The following AMTN variants were observed in gnomAD, a reference collection of about 807,000 sequenced individuals.
The protein encoded by AMTN is RSTI689.
Under a neutral mutation model 27.4 loss-of-function variants are expected in AMTN, and 29 were observed. The observed-to-expected ratio is 1.06, with a 90% CI of 0.79 to 1.44. The LOEUF is 1.44. Among genes scored for constraint, AMTN ranks in the 40% most tolerant of loss-of-function variants. The pLI is 0.00. For missense variants in AMTN, 247 were observed against 248.8 expected (o/e 0.99, Z 0.05); for synonymous variants, 86 against 95.7 (o/e 0.90, Z 0.59).
At chr4:70,526,946 C>G (rs560361806) in intron 5 of AMTN, among the ~76,000 whole-genome samples, 2 of 152,174 alleles carry the variant, frequency 1.3e-5, no homozygotes, top group African/African-American at 4.8e-5. Context: ...TGCAGAGTGG[C>G]TTATTATCTC....
rs750104626 is a variant in AMTN, at chr4:70,523,876, T to G, written c.147T>G (p.Pro49=). The stretch of plus-strand genomic sequence containing the variant: ...CTTTCAATCCCCTGCAGGTCTTTCC[T>G]TCTTTAAGTCTGATACCATTAACAC... ...PNQQQSNQVF[P]SLSLIPLTQM... Residue 49 remains proline (P), a synonymous_variant, in exon 4 of 9, where the codon CCT becomes CCG. Transcript: ENST00000339336. 4 of 1,613,738 alleles carry G rather than the reference T, an allele frequency of 2.5e-6. No individual in the cohort carries two copies. The highest frequency in any genetic ancestry group is 3.4e-6 in the Non-Finnish European group (4 of 1,179,690).
chr4:70,525,421 A>T (rs1342832312), intron 5 of AMTN, among the ~76,000 whole-genome samples: 1 of 152,166 alleles, frequency 6.6e-6, no homozygotes, highest in Non-Finnish European at 1.5e-5. Context: ...GTCCCCAAGG[A>T]CTTTTCAGTA....
rs117133443 is a variant in AMTN, at chr4:70,531,193, G to A, written c.512G>A (p.Arg171His). Reference sequence around the variant, plus strand: ...GCCACCCAGGGAACCCCAGCAGGCCGCCTCCCAACTCCCAGTGGCACAGAT... The same window carrying A: ...GCCACCCAGGGAACCCCAGCAGGCCACCTCCCAACTCCCAGTGGCACAGAT... Reference protein sequence around the residue: ...NPATQGTPAGRLPTPSGTDDD... With the variant: ...NPATQGTPAGHLPTPSGTDDD... The change falls in exon 8 of 9, where the codon CGC becomes CAC. Residue 171 changes from arginine (R) to histidine (H), a missense_variant. Physicochemically the swap from Arg to His is conservative, Grantham distance 29. Coordinates refer to ENST00000339336, the MANE Select transcript of AMTN (RefSeq NM_212557.4). The A allele has an allele frequency of 3.1e-4, 493 of 1,613,974 alleles. No homozygotes were observed. The highest frequency in any genetic ancestry group is 2.0e-3 in the East Asian group (89 of 44,818).
At chr4:70,519,094 T>C (rs1735887561) in intron 2 of AMTN, among the ~76,000 whole-genome samples, 1 of 152,212 alleles carries the variant, frequency 6.6e-6, no homozygotes, top group Admixed American at 6.5e-5. Flanking sequence ...GGCTAGAAAT[T>C]AGGAGAAAAA....
At chr4:70,519,913 C>CGTGTGTGT (rs10645813) in intron 2 of AMTN, among the ~76,000 whole-genome samples, 15 of 147,202 alleles carry the variant, frequency 1.0e-4, no homozygotes, top group African/African-American at 3.6e-4. Flanking sequence ...ATACTACATA[C>CGTGTGTGT]GTGTGTGTGT....
At chr4:70,522,256 A>C (rs1409353225) in intron 2 of AMTN, among the ~76,000 whole-genome samples, 9 of 152,192 alleles carry the variant, frequency 5.9e-5, no homozygotes, top group African/African-American at 9.7e-5. Flanking sequence ...ATATCTAAAA[A>C]TTCAGTGATT....
At chr4:70,529,325 C>A in intron 7 of AMTN, 115 bp downstream of exon 7, 1 of 661,146 alleles carries the variant, frequency 1.5e-6, no homozygotes, top group Non-Finnish European at 2.3e-6. Flanking sequence ...CTACAATGAA[C>A]TGAACATTTT....
rs1387704339 is a variant in AMTN, at chr4:70,522,926, G to A, written c.138+88G>A. On this transcript the variant is annotated intron_variant, in intron 3 of 8. Coordinates refer to ENST00000339336, the MANE Select transcript of AMTN (RefSeq NM_212557.4). ...CCGGTAAAGAAAACACGTTAAGACT[G>A]GTAGGTTTAAAATCAAAATTTACAT... 3 of 1,323,812 alleles carry A rather than the reference G, an allele frequency of 2.3e-6. No individual in the cohort carries two copies. The African/African-American group carries it at 4.4e-5, about 19-fold the overall frequency. The allele number at this position is 1,323,812 out of a possible 1,614,324, so 82.0% of individuals were successfully genotyped here.
intron 2 of AMTN, among the ~76,000 whole-genome samples, chr4:70,519,623 G>A (rs2109767688): frequency 6.6e-6 from 1 of 152,132 alleles, no homozygotes; most frequent in East Asian, 1.9e-4. Context: ...ATTGTGCTAG[G>A]TGCTGAAGAA....
At chr4:70,530,504 G>C (rs1372002098) in intron 7 of AMTN, among the ~76,000 whole-genome samples, 1 of 152,126 alleles carries the variant, frequency 6.6e-6, no homozygotes, top group African/African-American at 2.4e-5. Flanking sequence ...GGCATCAAAA[G>C]CTGGTTAAAA....
intron 2 of AMTN, 101 bp downstream of exon 2, chr4:70,518,932 G>GA: frequency 5.3e-6 from 5 of 942,624 alleles, no homozygotes; most frequent in Non-Finnish European, 8.7e-6. Context: ...GCTCTGTTTT[G>GA]TGACTCATTC....
chr4:70,528,512 T>C (rs906488218), intron 5 of AMTN, among the ~76,000 whole-genome samples: 7 of 152,054 alleles, frequency 4.6e-5, no homozygotes, highest in Non-Finnish European at 1.5e-5. Context: ...TAACTGGGCA[T>C]AGTAGCAGGC....
At chr4:70,528,550 T>C (rs1736147458) in intron 5 of AMTN, among the ~76,000 whole-genome samples, 173 bp from the exon 6 acceptor site, 1 of 152,128 alleles carries the variant, frequency 6.6e-6, no homozygotes, top group African/African-American at 2.4e-5. Flanking sequence ...CTCAGGAGGC[T>C]GAGGCAGGAG....
chr4:70,521,378 T>TA (rs58094819), intron 2 of AMTN, among the ~76,000 whole-genome samples: 1,225 of 115,026 alleles, frequency 0.011, 17 homozygotes, highest in African/African-American at 0.036. Flanking sequence ...AGACTCCACT[T>TA]AAAAAAAAAA....
intron 5 of AMTN, among the ~76,000 whole-genome samples, chr4:70,527,869 T>C (rs1391038487): frequency 1.3e-5 from 2 of 152,182 alleles, no homozygotes; most frequent in Non-Finnish European, 2.9e-5. Flanking sequence ...TAATATTTAG[T>C]TTGTTATCAG....
intron 5 of AMTN, among the ~76,000 whole-genome samples, chr4:70,527,280 A>G (rs1736120310): frequency 6.6e-6 from 1 of 152,232 alleles, no homozygotes; most frequent in Admixed American, 6.5e-5. Context: ...CAACTAAGAA[A>G]AAAGTCCTCT....
At chr4:70,527,098 C>G (rs1473228470) in intron 5 of AMTN, among the ~76,000 whole-genome samples, 1 of 152,192 alleles carries the variant, frequency 6.6e-6, no homozygotes, top group Non-Finnish European at 1.5e-5. Context: ...AGTTACTTAA[C>G]CACTCTGTGG....
At chr4:70,525,263 T>G (rs560642458) in intron 5 of AMTN, among the ~76,000 whole-genome samples, 1 of 152,232 alleles carries the variant, frequency 6.6e-6, no homozygotes, top group African/African-American at 2.4e-5. Context: ...AGTTGAGAGA[T>G]CCCAGGATTT....
At position 70,531,175 on chromosome 4, in the gene AMTN, A is replaced by T; in HGVS notation, c.494A>T (p.Gln165Leu). 6.2e-7 allele frequency: 1 copy of T among 1,614,014 alleles called. No individual in the cohort carries two copies. Among genetic ancestry groups the T allele is most frequent in the Non-Finnish European group, 8.5e-7 (1 of 1,179,980 alleles). Residue 165 changes from glutamine to leucine, a missense_variant, in exon 8 of 9, where the codon CAG (glutamine) becomes CTG (leucine). Coordinates refer to ENST00000339336, the MANE Select transcript of AMTN (RefSeq NM_212557.4). ...AGGAGVNPAT[Q>L]GTPAGRLPTP... ...GGAGCAGGTGTAAATCCTGCCACCCAGGGAACCCCAGCAGGCCGCCTCCCA... is the reference window on the plus strand; with the variant it reads ...GGAGCAGGTGTAAATCCTGCCACCCTGGGAACCCCAGCAGGCCGCCTCCCA...
Sources: gnomAD v4.1 joint callset for allele counts (sites outside exome capture counted in the v4.1 genomes callset) on GRCh38, gnomAD v4.1.1 for gene constraint, MANE v1.5 for transcripts, NCBI Gene and HGNC (gene_info 2026-07-23, HGNC 2026-07-21) for gene names.